The following PDE1C variants were observed in gnomAD, a reference collection of about 807,000 sequenced individuals.
PDE1C encodes dual specificity calcium/calmodulin-dependent 3',5'-cyclic nucleotide phosphodiesterase 1C.
A neutral mutation model predicts 93.1 loss-of-function variants in PDE1C; 62 were observed. The observed-to-expected ratio is 0.67, with a 90% CI of 0.54 to 0.82. The LOEUF (loss-of-function observed/expected upper bound fraction) is 0.82, where lower values mean the gene tolerates loss of function less well. PDE1C is among the 40% of genes least tolerant of loss of function. The probability of loss-of-function intolerance (pLI) is 0.00; values close to 1 mark genes in which losing one functional copy is unlikely to be tolerated. For missense variants in PDE1C, 742 were observed against 884.6 expected (o/e 0.84, Z 2.04); for synonymous variants, 325 against 310.1 (o/e 1.05, Z -0.50).
chr7:32,040,942 C>A (rs1791732907), intron 2 of PDE1C, among the ~76,000 whole-genome samples: 1 of 152,166 alleles, frequency 6.6e-6, no homozygotes, highest in Admixed American at 6.5e-5. Context: ...AAGATCCAGA[C>A]TCTGCCTCAC....
intron 1 of PDE1C, among the ~76,000 whole-genome samples, chr7:32,271,694 C>T (rs951393196): frequency 3.3e-5 from 5 of 152,148 alleles, no homozygotes; most frequent in African/African-American, 1.2e-4. Flanking sequence ...AGGTTTTGCA[C>T]CATCCCTCTC....
chr7:31,652,850 C>A, the PDE1C span: 1 of 1,599,050 alleles, frequency 6.3e-7, no homozygotes, highest in Non-Finnish European at 8.6e-7. Context: ...GTTTGTTAAC[C>A]TTCATACAAA....
chr7:32,376,747 G>C (rs2128089123), intron 1 of PDE1C, among the ~76,000 whole-genome samples: 1 of 152,240 alleles, frequency 6.6e-6, no homozygotes, highest in Middle Eastern at 3.4e-3. Context: ...GAGGGCAGTG[G>C]CGCCATCTCG....
intron 2 of PDE1C, among the ~76,000 whole-genome samples, chr7:32,005,855 T>G (rs1046910058): frequency 1.3e-5 from 2 of 152,206 alleles, no homozygotes; most frequent in Non-Finnish European, 2.9e-5. Flanking sequence ...TTGTACAGAT[T>G]CAGAATCTGC....
chr7:31,787,755 AT>A (rs1174813875), intron 16 of PDE1C: 1 of 152,206 alleles, frequency 6.6e-6, no homozygotes, highest in Non-Finnish European at 1.5e-5. Flanking sequence ...GAAGAAAGCT[AT>A]TTCAAGGGAA....
intron 1 of PDE1C, among the ~76,000 whole-genome samples, chr7:32,266,524 G>A (rs116646475): frequency 7.0e-4 from 106 of 152,208 alleles, no homozygotes; most frequent in African/African-American, 2.0e-3. Context: ...CCTTTCCTTC[G>A]GCGATTACAT....
the PDE1C span, among the ~76,000 whole-genome samples, chr7:31,628,417 G>A: frequency 6.5e-4 from 98 of 151,910 alleles, 1 homozygote; most frequent in Admixed American, 6.5e-4. Context: ...CCCCCAGAAT[G>A]CAGCTAGGAA....
At chr7:32,344,047 A>G (rs985110759) in intron 1 of PDE1C, among the ~76,000 whole-genome samples, 2 of 152,188 alleles carry the variant, frequency 1.3e-5, no homozygotes, top group African/African-American at 4.8e-5. Context: ...AATTTGTTCA[A>G]GTTCACTCTA....
At chr7:31,907,177 G>A (rs1800709720) in intron 2 of PDE1C, among the ~76,000 whole-genome samples, 1 of 151,572 alleles carries the variant, frequency 6.6e-6, no homozygotes, top group Non-Finnish European at 1.5e-5. Flanking sequence ...AAATTTCCTT[G>A]TTCAAGGATG....
At chr7:31,727,233 T>C in the PDE1C span, among the ~76,000 whole-genome samples, 1 of 152,202 alleles carries the variant, frequency 6.6e-6, no homozygotes, top group Non-Finnish European at 1.5e-5. Context: ...CCATTCTCCC[T>C]TGCTGCAATG....
chr7:31,825,105 T>C, intron 12 of PDE1C, 118 bp from the exon 13 acceptor site: 2 of 1,214,330 alleles, frequency 1.6e-6, no homozygotes, highest in Non-Finnish European at 2.3e-6. Context: ...GGCTTGATCT[T>C]ATGTACTGTA....
intron 1 of PDE1C, among the ~76,000 whole-genome samples, chr7:32,057,652 T>C (rs1436667044): frequency 5.3e-5 from 8 of 152,108 alleles, no homozygotes; most frequent in African/African-American, 1.9e-4. Flanking sequence ...AGATAAAGAA[T>C]GAAACTAAGC....
chr7:31,721,282 G>C, the PDE1C span, among the ~76,000 whole-genome samples: 1 of 152,180 alleles, frequency 6.6e-6, no homozygotes, highest in Non-Finnish European at 1.5e-5. Flanking sequence ...GTTAGCAAAT[G>C]ACATTCAATT....
chr7:32,341,096 G>C (rs928015150), intron 1 of PDE1C, among the ~76,000 whole-genome samples: 3 of 151,972 alleles, frequency 2.0e-5, no homozygotes, highest in Non-Finnish European at 4.4e-5. Context: ...ACAGATGTGG[G>C]AGGGGCAGGG....
chr7:32,296,925 A>G (rs1255207257), intron 1 of PDE1C, among the ~76,000 whole-genome samples: 1 of 152,224 alleles, frequency 6.6e-6, no homozygotes, highest in Admixed American at 6.5e-5. Flanking sequence ...AATGAGGACT[A>G]CCAACAGGTG....
At chr7:32,193,895 T>C (rs1201702518) in intron 2 of PDE1C, among the ~76,000 whole-genome samples, 5 of 147,248 alleles carry the variant, frequency 3.4e-5, no homozygotes, top group Admixed American at 7.0e-5. Context: ...TTTATGTGGT[T>C]TTTTTTTTTG....
intron 2 of PDE1C, among the ~76,000 whole-genome samples, chr7:31,899,978 C>T (rs898834379): frequency 1.3e-5 from 2 of 152,314 alleles, no homozygotes; most frequent in Middle Eastern, 3.4e-3. Context: ...ATACACAGGA[C>T]AGCCCCACAG....
chr7:31,985,309 T>C (rs1584328099), intron 2 of PDE1C, among the ~76,000 whole-genome samples: 1 of 152,276 alleles, frequency 6.6e-6, no homozygotes, highest in East Asian at 1.9e-4. Context: ...ATTTATATAA[T>C]CTGTTAAATT....
chr7:32,080,430 A>G (rs1796593501), intron 3 of PDE1C, among the ~76,000 whole-genome samples: 1 of 152,182 alleles, frequency 6.6e-6, no homozygotes, highest in African/African-American at 2.4e-5. Flanking sequence ...ATACTCAAAG[A>G]GCAAACCTCA....
Sources: gnomAD v4.1 joint callset for allele counts (sites outside exome capture counted in the v4.1 genomes callset) on GRCh38, gnomAD v4.1.1 for gene constraint, MANE v1.5 for transcripts, NCBI Gene and HGNC (gene_info 2026-07-23, HGNC 2026-07-21) for gene names.